The following PYCR2 variants were observed in gnomAD, a reference collection of about 807,000 sequenced individuals.
PYCR2 encodes the protein P5C reductase 2.
In PYCR2, 17 loss-of-function variants were observed where a neutral mutation model predicts 23.4. The observed-to-expected ratio is 0.73, with a 90% CI of 0.50 to 1.09. The LOEUF is 1.09. PYCR2 is among the 50% of genes least tolerant of loss of function. The pLI, the probability that PYCR2 is intolerant of heterozygous loss-of-function variation, is 0.00. For missense variants in PYCR2, 380 were observed against 423.5 expected, an observed-to-expected ratio of 0.90 and a Z score of 0.90; for synonymous variants, 172 against 176.6, an observed-to-expected ratio of 0.97 and a Z score of 0.21.
Position 225,921,318 on chromosome 1 carries a change from G to A in PYCR2, c.687C>T (p.Asp229=), listed in dbSNP as rs1456006378. 4.4e-6 allele frequency: 7 copies of A among 1,579,046 alleles called. No individual in the cohort carries two copies. The highest frequency in any genetic ancestry group is 4.4e-6 in the Non-Finnish European group (5 of 1,148,168). Residue 229 remains aspartate (D), a synonymous_variant, in exon 6 of 7, where the codon GAC becomes GAT. Transcript: ENST00000343818. The surrounding 1 kb of genome is among the most constrained non-coding windows in gnomAD (Gnocchi z 4.2). ...TGGCTCCCCCAGGGGAGCAGACATT[G>A]TCCTTAAGCTGGCATGGATGCTGCT... ...DSEQHPCQLK[D]NVCSPGGATI... is the part of the protein sequence containing the mutation.
Position 225,921,411 on chromosome 1 carries a change from C to T in PYCR2, c.634-40G>A, listed in dbSNP as rs371538199. On this transcript the variant is annotated intron_variant, in intron 5 of 6. Coordinates refer to ENST00000343818, the MANE Select transcript of PYCR2 (RefSeq NM_013328.4). The surrounding 1 kb of genome is among the most constrained non-coding windows in gnomAD (Gnocchi z 4.2). Reference sequence around the variant, plus strand: ...ACATTAGGAGAAAGTTGCTGGTGTGCGTTGGAACAGGCTTCCCATACCCAC... The same window carrying T: ...ACATTAGGAGAAAGTTGCTGGTGTGTGTTGGAACAGGCTTCCCATACCCAC... 23 of 1,524,064 alleles carry T rather than the reference C, an allele frequency of 1.5e-5. No individual in the cohort carries two copies. The highest frequency in any genetic ancestry group is 4.1e-5 in the African/African-American group (3 of 72,826). 94.4% of individuals were successfully genotyped at this position (1,524,064 alleles called of 1,614,324 possible).
Position 225,922,386 on chromosome 1 carries a change from G to C in PYCR2, c.139-3C>G. ...CGTGTCAGGTTCACACCCATCTTCT[G>C]CAAGAGGAGACTCCCAGCTCACAGT... On this transcript the variant is annotated splice_polypyrimidine_tract_variant and splice_region_variant and intron_variant, in intron 2 of 6. Coordinates refer to ENST00000343818, the MANE Select transcript of PYCR2 (RefSeq NM_013328.4). 1 of 1,606,182 alleles carries C rather than the reference G, an allele frequency of 6.2e-7. No individual in the cohort carries two copies. The highest frequency in any genetic ancestry group is 1.1e-5 in the South Asian group (1 of 90,908).
rs1671829695 is a variant in PYCR2 at position 225,921,296 on chromosome 1, C to G, written c.709G>C (p.Ala237Pro). Residue 237 changes from alanine to proline, a missense_variant, in exon 6 of 7, where the codon GCC becomes CCC. Transcript: ENST00000343818. The surrounding 1 kb of genome is among the most constrained non-coding windows in gnomAD (Gnocchi z 4.2). ...LKDNVCSPGG[A>P]TIHALHFLES... ...AGAAAGTGCAGGGCGTGGATGGTGG[C>G]TCCCCCAGGGGAGCAGACATTGTCC... 1.2e-6 allele frequency: 2 copies of G among 1,604,428 alleles called. No homozygotes were observed. The highest frequency in any genetic ancestry group is 8.5e-7 in the Non-Finnish European group (1 of 1,171,288).
rs995795136 is a variant in PYCR2 at position 225,921,397 on chromosome 1, A to C, written c.634-26T>G. Reference sequence around the variant, plus strand: ...CTATGGGGAAGGGCACATTAGGAGAAAGTTGCTGGTGTGCGTTGGAACAGG... The same window carrying C: ...CTATGGGGAAGGGCACATTAGGAGACAGTTGCTGGTGTGCGTTGGAACAGG... On this transcript the variant is annotated intron_variant, in intron 5 of 6. Transcript: ENST00000343818. This position sits in a 1 kb window ranked among gnomAD's most constrained non-coding sequence, Gnocchi z 4.2. 3.3e-6 allele frequency: 5 copies of C among 1,530,224 alleles called. No homozygotes were observed. In the Admixed American group the frequency reaches 5.1e-5, roughly 16 times the overall value. The allele number at this position is 1,530,224 out of a possible 1,614,324, so 94.8% of individuals were successfully genotyped here.
intron 2 of PYCR2, chr1:225,923,149 C>T: frequency 1.7e-6 from 1 of 573,790 alleles, no homozygotes; most frequent in South Asian, 7.4e-5. Context: ...GTGGCTCACC[C>T]CTGTAATCCC....
rs1671803101 is a variant in PYCR2 at position 225,920,368 on chromosome 1, C to G, written c.*87G>C. The G allele has an allele frequency of 7.5e-6, 9 of 1,205,116 alleles. No homozygotes were observed. The South Asian group carries it at 1.6e-4, about 21-fold the overall frequency. The allele number at this position is 1,205,116 out of a possible 1,614,324, so 74.7% of individuals were successfully genotyped here. A position where few individuals can be genotyped will look rare whatever the true frequency, so the allele number is the denominator to read the frequency against. Reference sequence around the variant, plus strand: ...TTCTCCTTGCACAGCTGAGGAGGGGCAATGGTGGGAGCGGGGCAGGGGGGT... The same window carrying G: ...TTCTCCTTGCACAGCTGAGGAGGGGGAATGGTGGGAGCGGGGCAGGGGGGT... On this transcript the variant is annotated 3_prime_UTR_variant, in exon 7 of 7. Coordinates refer to ENST00000343818, the MANE Select transcript of PYCR2 (RefSeq NM_013328.4).
In PYCR2 at chr1:225,924,130, C is replaced by T. The variant is rs1267542881; in HGVS notation, c.-20G>A. On this transcript the variant is annotated 5_prime_UTR_variant, in exon 1 of 7. Coordinates refer to ENST00000343818, the MANE Select transcript of PYCR2 (RefSeq NM_013328.4). ...GCTCATGGTCCGCGGTTCACGCCTCCTGGGAGCCGCACGAACCCCCTCAGC... is the reference window on the plus strand; with the variant it reads ...GCTCATGGTCCGCGGTTCACGCCTCTTGGGAGCCGCACGAACCCCCTCAGC... 7.2e-6 allele frequency: 11 copies of T among 1,536,744 alleles called. No homozygotes were observed. Among genetic ancestry groups the T allele is most frequent in the African/African-American group, 1.4e-5 (1 of 72,912 alleles).
Position 225,920,478 on chromosome 1 carries a change from C to G in PYCR2, c.940G>C (p.Ala314Pro). 6.8e-7 allele frequency: 1 copy of G among 1,468,130 alleles called. No individual in the cohort carries two copies. The highest frequency in any genetic ancestry group is 1.3e-5 in the South Asian group (1 of 79,250). The allele number at this position is 1,468,130 out of a possible 1,614,324, so 90.9% of individuals were successfully genotyped here. A position where few individuals can be genotyped will look rare whatever the true frequency, so the allele number is the denominator to read the frequency against. ...CCTTAGTCCTTCTTGCCTCCCAGGG[C>G]CAGGCTTCTTGTGAGGAGCTTCCCT... The part of the protein sequence containing the change: ...SPGKLLTRSL[A>P]LGGKKD Residue 314 changes from alanine to proline, a missense_variant, in exon 7 of 7, where the codon GCC becomes CCC. By Grantham distance (27) the Ala-to-Pro change is conservative. Transcript: ENST00000343818.
rs1262032642 is a variant in PYCR2 at position 225,921,527 on chromosome 1, G to A, written c.633+25C>T. 2 of 1,613,234 alleles carry A rather than the reference G, an allele frequency of 1.2e-6. No individual in the cohort carries two copies. Among genetic ancestry groups the A allele is most frequent in the East Asian group, 2.2e-5 (1 of 44,880 alleles). Reference sequence around the variant, plus strand: ...AACCCCCATTCTACACCCTGGTCCTGAACATGCGGGGGAAAGATACTGACC... The same window carrying A: ...AACCCCCATTCTACACCCTGGTCCTAAACATGCGGGGGAAAGATACTGACC... On this transcript the variant is annotated intron_variant, in intron 5 of 6. Transcript: ENST00000343818. This position sits in a 1 kb window ranked among gnomAD's most constrained non-coding sequence, Gnocchi z 4.2.
Position 225,924,144 on chromosome 1 carries a change from A to C in PYCR2, c.-34T>G. ...GTTCACGCCTCCTGGGAGCCGCACG[A>C]ACCCCCTCAGCGAGGGACCGGAAGT... On this transcript the variant is annotated 5_prime_UTR_variant, in exon 1 of 7. Transcript: ENST00000343818. 1 of 1,529,560 alleles carries C rather than the reference A, an allele frequency of 6.5e-7. No individual in the cohort carries two copies. Among genetic ancestry groups the C allele is most frequent in the Admixed American group, 2.0e-5 (1 of 49,708 alleles). 94.7% of individuals were successfully genotyped at this position (1,529,560 alleles called of 1,614,324 possible).
Position 225,921,517 on chromosome 1 carries a change from C to A in PYCR2, c.633+35G>T. On this transcript the variant is annotated intron_variant, in intron 5 of 6. Transcript: ENST00000343818. The surrounding 1 kb of genome is among the most constrained non-coding windows in gnomAD (Gnocchi z 4.2). ...GATGCACAAGAACCCCCATTCTACA[C>A]CCTGGTCCTGAACATGCGGGGGAAA... 6.2e-7 allele frequency: 1 copy of A among 1,611,186 alleles called. No individual in the cohort carries two copies. Among genetic ancestry groups the A allele is most frequent in the South Asian group, 1.1e-5 (1 of 91,008 alleles).
Position 225,920,206 on chromosome 1 carries a change from T to G in PYCR2, c.*249A>C. On this transcript the variant is annotated 3_prime_UTR_variant, in exon 7 of 7. Transcript: ENST00000343818. ...CACCAACTGAGCAGCGTACGCAGGGTTGTGTCTGGCTTCCAGCATCTACCA... is the reference window on the plus strand; with the variant it reads ...CACCAACTGAGCAGCGTACGCAGGGGTGTGTCTGGCTTCCAGCATCTACCA... 3 of 277,712 alleles carry G rather than the reference T, an allele frequency of 1.1e-5. No individual in the cohort carries two copies. The highest frequency in any genetic ancestry group is 7.0e-5 in the East Asian group (1 of 14,328). 17.2% of individuals were successfully genotyped at this position (277,712 alleles called of 1,614,324 possible). A position where few individuals can be genotyped will look rare whatever the true frequency, so the allele number is the denominator to read the frequency against.
chr1:225,922,218 T>C lies in PYCR2; in HGVS notation c.304A>G (p.Ser102Gly). 1.2e-6 allele frequency: 2 copies of C among 1,613,904 alleles called. No individual in the cohort carries two copies. Among genetic ancestry groups the C allele is most frequent in the Non-Finnish European group, 1.7e-6 (2 of 1,179,802 alleles). ...VVSCAAGVTI[S>G]SVEKKLMAFQ... ...GAGATGGGCACCTTCTCCACAGAGC[T>C]GATGGTGACACCAGCCGCACAGGAG... The change falls in exon 3 of 7, where the codon AGC becomes GGC. Residue 102 changes from serine (S) to glycine (G), a missense_variant. Coordinates refer to ENST00000343818, the MANE Select transcript of PYCR2 (RefSeq NM_013328.4).
chr1:225,924,247 G>A lies in PYCR2; in HGVS notation c.-137C>T, dbSNP rs531529242. 6 of 994,398 alleles carry A rather than the reference G, an allele frequency of 6.0e-6. No homozygotes were observed. The highest frequency in any genetic ancestry group is 8.6e-6 in the Non-Finnish European group (6 of 695,394). The allele number at this position is 994,398 out of a possible 1,614,324, so 61.6% of individuals were successfully genotyped here. A position where few individuals can be genotyped will look rare whatever the true frequency, so the allele number is the denominator to read the frequency against. ...ACCGGCGAGCTAACAGCAGCTTCTGGGATGGTGCAACCCTATTCTCCCCCG... is the reference window on the plus strand; with the variant it reads ...ACCGGCGAGCTAACAGCAGCTTCTGAGATGGTGCAACCCTATTCTCCCCCG... On this transcript the variant is annotated 5_prime_UTR_variant, in exon 1 of 7. Coordinates refer to ENST00000343818, the MANE Select transcript of PYCR2 (RefSeq NM_013328.4).
chr1:225,922,389 AGAG>A lies in PYCR2; in HGVS notation c.139-9_139-7del. ...GTCAGGTTCACACCCATCTTCTGCA[AGAG>A]GAGACTCCCAGCTCACAGTGCTGGA... is the stretch of plus-strand genomic sequence containing the variant. On this transcript the variant is annotated splice_region_variant and splice_polypyrimidine_tract_variant and intron_variant, in intron 2 of 6. Transcript: ENST00000343818. 1 of 1,601,832 alleles carries A rather than the reference AGAG, an allele frequency of 6.2e-7. No homozygotes were observed. Among genetic ancestry groups the A allele is most frequent in the South Asian group, 1.1e-5 (1 of 90,870 alleles).
In PYCR2 at chr1:225,921,982, G is replaced by C. The variant is rs191605313; in HGVS notation, c.416C>G (p.Thr139Ser). Residue 139 changes from threonine to serine, a missense_variant, in exon 4 of 7, where the codon ACC becomes AGC. By Grantham distance (58) the Thr-to-Ser change is moderately conservative (BLOSUM62 1). Transcript: ENST00000343818. This position sits in a 1 kb window ranked among gnomAD's most constrained non-coding sequence, Gnocchi z 4.2. Reference sequence around the variant, plus strand: ...CTGCCCATCCTCCACCAGGGCATGGGTGCCCGTGGCGTACACTGTAGCGCC... The same window carrying C: ...CTGCCCATCCTCCACCAGGGCATGGCTGCCCGTGGCGTACACTGTAGCGCC... ...QEGATVYATG[T>S]HALVEDGQLL... 4.6e-5 allele frequency: 75 copies of C among 1,614,142 alleles called. No homozygotes were observed. The highest frequency in any genetic ancestry group is 5.3e-5 in the Non-Finnish European group (63 of 1,180,002).
At chr1:225,923,597 C>A in intron 2 of PYCR2, 104 bp downstream of exon 2, 1 of 1,590,566 alleles carries the variant, frequency 6.3e-7, no homozygotes, top group South Asian at 1.1e-5. Context: ...CACCGCCGGC[C>A]AAAGACCAGC....
rs12047383 is a variant in PYCR2, at chr1:225,924,027, C to G, written c.67+17G>C. ...CGGGACCGCCCGCGAAGCCGCCTCCCGCCTCCACGCGCTTGCCTGCGGCCG... is the reference window on the plus strand; with the variant it reads ...CGGGACCGCCCGCGAAGCCGCCTCCGGCCTCCACGCGCTTGCCTGCGGCCG... On this transcript the variant is annotated intron_variant, in intron 1 of 6. Transcript: ENST00000343818. The G allele has an allele frequency of 6.5e-7, 1 of 1,536,732 alleles. No individual in the cohort carries two copies. The highest frequency in any genetic ancestry group is 2.4e-5 in the East Asian group (1 of 40,832).
chr1:225,922,792 T>C (rs1671878832), intron 2 of PYCR2: 1 of 218,356 alleles, frequency 4.6e-6, no homozygotes, highest in East Asian at 1.2e-4. Context: ...GACCGCACAG[T>C]CTCCATGTGG....
Sources: gnomAD v4.1 joint callset for allele counts on GRCh38, gnomAD v4.1.1 for gene constraint, Gnocchi (gnomAD v3.1) non-coding constraint, MANE v1.5 for transcripts, NCBI Gene and HGNC (gene_info 2026-07-23, HGNC 2026-07-21) for gene names.